Variants in GUCY1A2 observed in about 807,000 individuals in gnomAD.
The protein encoded by GUCY1A2 is guanylate cyclase soluble subunit alpha-2.
A neutral mutation model predicts 63.5 loss-of-function variants in GUCY1A2; 27 were observed. The ratio of observed to expected loss-of-function variants is 0.43; its 90% CI spans 0.31 to 0.59. The LOEUF (loss-of-function observed/expected upper bound fraction) is 0.59, where lower values mean the gene tolerates loss of function less well. Among genes scored for constraint, GUCY1A2 ranks in the 20% least tolerant of loss-of-function variants. The pLI, the probability that GUCY1A2 is intolerant of heterozygous loss-of-function variation, is 0.11. For synonymous variants in GUCY1A2, 364 were observed against 343.5 expected (o/e 1.06, Z -0.66); for missense variants, 768 against 913.3 (o/e 0.84, Z 2.05).
intron 1 of GUCY1A2, among the ~76,000 whole-genome samples, chr11:106,994,799 T>G (rs1297285740): frequency 6.6e-6 from 1 of 152,226 alleles, no homozygotes; most frequent in Non-Finnish European, 1.5e-5. Flanking sequence ...ATACTTACCA[T>G]GTATCTAACT....
intron 3 of GUCY1A2, among the ~76,000 whole-genome samples, chr11:106,959,586 C>G (rs1476081347): frequency 1.3e-5 from 2 of 152,154 alleles, no homozygotes; most frequent in Admixed American, 1.3e-4. Context: ...AGAGAGCTGC[C>G]GGCTCAAGAT....
chr11:106,810,589 G>T, intron 4 of GUCY1A2, 111 bp from the exon 5 acceptor site: 1 of 816,124 alleles, frequency 1.2e-6, no homozygotes. Flanking sequence ...GCAATACTGA[G>T]TTACTGCATT....
At chr11:106,754,489 G>C (rs1425553049) in intron 6 of GUCY1A2, among the ~76,000 whole-genome samples, 2 of 152,066 alleles carry the variant, frequency 1.3e-5, no homozygotes, top group African/African-American at 2.4e-5. Flanking sequence ...ATTGGCTGTG[G>C]GTCTGTCATA....
chr11:106,737,644 C>T (rs112597497), intron 6 of GUCY1A2, among the ~76,000 whole-genome samples: 5 of 152,080 alleles, frequency 3.3e-5, no homozygotes, highest in East Asian at 1.9e-4. Context: ...TGAGAACATG[C>T]GGTGTTTGGT....
At chr11:106,952,170 A>G (rs991094845) in intron 3 of GUCY1A2, among the ~76,000 whole-genome samples, 2 of 152,230 alleles carry the variant, frequency 1.3e-5, no homozygotes, top group Admixed American at 6.5e-5. Flanking sequence ...GTCAGGTAGC[A>G]TGAGGTCTCC....
intron 2 of GUCY1A2, among the ~76,000 whole-genome samples, chr11:106,982,117 T>G (rs2513138): frequency 0.22 from 33,384 of 152,054 alleles, 4,163 homozygotes; most frequent in East Asian, 0.5. Flanking sequence ...GAGGCTCAGG[T>G]ATTTTAAGTA....
chr11:106,813,507 G>T (rs1178161423), intron 4 of GUCY1A2, among the ~76,000 whole-genome samples: 1 of 151,990 alleles, frequency 6.6e-6, no homozygotes. Flanking sequence ...AATCAGAATT[G>T]AGTAAGTCCA....
At position 106,940,448 on chromosome 11, in the gene GUCY1A2, G is replaced by A. The variant is rs571754321; in HGVS notation, c.488-270C>T. 4.6e-5 allele frequency among the ~76,000 whole-genome samples: 7 copies of A among 152,196 alleles called. No homozygotes were observed. The South Asian group carries it at 1.5e-3, about 32-fold the overall frequency. On this transcript the variant is annotated intron_variant, in intron 3 of 7. Transcript: ENST00000526355. ...ACTACATATTTTTAGACCAGTTTTA[G>A]AGTCACAGCAAAATTGAGCAGAAGG...
intron 4 of GUCY1A2, among the ~76,000 whole-genome samples, chr11:106,936,984 C>G (rs1358854347): frequency 3.3e-5 from 5 of 152,014 alleles, no homozygotes; most frequent in African/African-American, 1.2e-4. Flanking sequence ...ATTTTTCTTT[C>G]TTCTTTCCAT....
At chr11:106,940,396 T>G (rs550005554) in intron 3 of GUCY1A2, among the ~76,000 whole-genome samples, 1 of 152,310 alleles carries the variant, frequency 6.6e-6, no homozygotes, top group East Asian at 1.9e-4. Context: ...TTAATGAACA[T>G]GAACCTTTTT....
intron 6 of GUCY1A2, among the ~76,000 whole-genome samples, chr11:106,750,787 C>A (rs568992006): frequency 6.7e-6 from 1 of 150,212 alleles, no homozygotes; most frequent in Non-Finnish European, 1.5e-5. Flanking sequence ...ATTAGACATG[C>A]GATTTCCTTT....
chr11:106,962,554 C>CA (rs5794510), intron 3 of GUCY1A2, among the ~76,000 whole-genome samples: 35,992 of 117,404 alleles, frequency 0.31, 5,173 homozygotes, highest in African/African-American at 0.43. Context: ...GACTCCATCT[C>CA]AAAAAAAAAA....
intron 5 of GUCY1A2, among the ~76,000 whole-genome samples, chr11:106,782,901 C>A (rs1471224566): frequency 6.6e-6 from 1 of 152,174 alleles, no homozygotes; most frequent in African/African-American, 2.4e-5. Context: ...CAGCAACTTG[C>A]CACTGTTTAT....
At chr11:106,819,316 T>C (rs1411212077) in intron 4 of GUCY1A2, among the ~76,000 whole-genome samples, 5 of 152,188 alleles carry the variant, frequency 3.3e-5, no homozygotes, top group African/African-American at 9.6e-5. Flanking sequence ...TGAGAAGACA[T>C]ATTCAAATTT....
chr11:106,746,574 C>T, intron 6 of GUCY1A2: 1 of 1,594,242 alleles, frequency 6.3e-7, no homozygotes, highest in African/African-American at 1.3e-5. Context: ...AAATCCGTTT[C>T]ACTTTGATGC....
At position 106,676,276 on chromosome 11, in the gene GUCY1A2, C is replaced by A. The variant is rs1359876430; in HGVS notation, c.*11273G>T. 2 of 183,428 alleles carry A rather than the reference C, an allele frequency of 1.1e-5. No homozygotes were observed. The highest frequency in any genetic ancestry group is 2.3e-5 in the Non-Finnish European group (2 of 86,354). 11.4% of individuals were successfully genotyped at this position (183,428 alleles called of 1,614,324 possible). A position where few individuals can be genotyped will look rare whatever the true frequency, so the allele number is the denominator to read the frequency against. ...TTAAAGAAGATATTTGACTTATTTT[C>A]CCTTAGGAGTCAAATACTCTGCTAG... On this transcript the variant is annotated 3_prime_UTR_variant, in exon 8 of 8. Coordinates refer to ENST00000526355, the MANE Select transcript of GUCY1A2 (RefSeq NM_000855.3).
At chr11:106,901,690 A>G (rs1293803629) in intron 4 of GUCY1A2, among the ~76,000 whole-genome samples, 3 of 132,006 alleles carry the variant, frequency 2.3e-5, no homozygotes, top group South Asian at 4.7e-4. Context: ...CCTGTGTCCA[A>G]GTGTTCTCAT....
intron 6 of GUCY1A2, among the ~76,000 whole-genome samples, chr11:106,774,146 T>G (rs1864310900): frequency 6.6e-6 from 1 of 152,152 alleles, no homozygotes; most frequent in South Asian, 2.1e-4. Flanking sequence ...ATAATTTTTT[T>G]TTTTTGAGAT....
chr11:106,676,307 A>G lies in GUCY1A2; in HGVS notation c.*11242T>C, dbSNP rs916362125. 11 of 183,984 alleles carry G rather than the reference A, an allele frequency of 6.0e-5. No homozygotes were observed. The highest frequency in any genetic ancestry group is 1.9e-4 in the African/African-American group (8 of 42,542). The allele number at this position is 183,984 out of a possible 1,614,324, so 11.4% of individuals were successfully genotyped here. On this transcript the variant is annotated 3_prime_UTR_variant, in exon 8 of 8. Transcript: ENST00000526355. Reference sequence around the variant, plus strand: ...GGAGTCAAATACTCTGCTAGAAATGATTTAATTTTCCCTGAAAAATAATGG... The same window carrying G: ...GGAGTCAAATACTCTGCTAGAAATGGTTTAATTTTCCCTGAAAAATAATGG...
Sources: gnomAD v4.1 joint callset for allele counts (sites outside exome capture counted in the v4.1 genomes callset) on GRCh38, gnomAD v4.1.1 for gene constraint, MANE v1.5 for transcripts, NCBI Gene and HGNC (gene_info 2026-07-23, HGNC 2026-07-21) for gene names.